Variants in NLRP12 observed in about 807,000 individuals in gnomAD.
The protein encoded by NLRP12 is NLR family pyrin domain containing 12.
A neutral mutation model predicts 91.2 loss-of-function variants in NLRP12; 108 were observed. That is an observed-to-expected ratio of 1.18 (90% CI 1.01 to 1.39). The LOEUF (loss-of-function observed/expected upper bound fraction) is 1.39. Ranked by LOEUF, NLRP12 falls within the 40% of genes most tolerant of loss-of-function variation. The probability of loss-of-function intolerance (pLI) is 0.00; values close to 1 mark genes in which losing one functional copy is unlikely to be tolerated. For missense variants in NLRP12, 1,530 were observed against 1,352.7 expected (o/e 1.13, Z -2.06); for synonymous variants, 613 against 566.7 (o/e 1.08, Z -1.16).
chr19:53,805,315 G>A lies in NLRP12; in HGVS notation c.2379C>T (p.Gly793=). The stretch of plus-strand genomic sequence containing the variant: ...GCAGCCTGCACTGGGGATGCCGCAG[G>A]CCCTCGCAAAGCAGCATCATGCCTG... ...GFPGMMLLCE[G]LRHPQCRLQM... The change falls in exon 5 of 10, where the codon GGC becomes GGT. Residue 793 remains glycine (G), a synonymous_variant. Coordinates refer to ENST00000324134, the MANE Select transcript of NLRP12 (RefSeq NM_144687.4). 7 of 1,614,056 alleles carry A rather than the reference G, an allele frequency of 4.3e-6. No individual in the cohort carries two copies. Among genetic ancestry groups the A allele is most frequent in the Non-Finnish European group, 5.9e-6 (7 of 1,179,990 alleles).
At chr19:53,820,959 G>C (rs1257038007) in intron 1 of NLRP12, among the ~76,000 whole-genome samples, 1 of 151,138 alleles carries the variant, frequency 6.6e-6, no homozygotes, top group Non-Finnish European at 1.5e-5. Context: ...CTTGCTACCT[G>C]CTCTGAATTG....
rs751548505 is a variant in NLRP12, at chr19:53,795,937, T to C, written c.3020A>G (p.Asn1007Ser). 31 of 1,614,074 alleles carry C rather than the reference T, an allele frequency of 1.9e-5. No homozygotes were observed. Among genetic ancestry groups the C allele is most frequent in the Admixed American group, 1.7e-4 (10 of 59,988 alleles). Residue 1007 changes from asparagine to serine, a missense_variant, in exon 9 of 10, where the codon AAC becomes AGC. By Grantham distance (46) the Asn-to-Ser change is conservative (BLOSUM62 1). Coordinates refer to ENST00000324134, the MANE Select transcript of NLRP12 (RefSeq NM_144687.4). ...NQTLTDLYLT[N>S]NALGDTGVRL... is the part of the protein sequence containing the mutation. Reference sequence around the variant, plus strand: ...GACACCTGTGTCCCCTAGGGCGTTGTTGGTCAGGTAAAGGTCGGTCAAGGT... The same window carrying C: ...GACACCTGTGTCCCCTAGGGCGTTGCTGGTCAGGTAAAGGTCGGTCAAGGT...
rs754622221 is a variant in NLRP12 at position 53,809,679 on chromosome 19, G to A, written c.1980C>T (p.Ala660=). The A allele has an allele frequency of 3.1e-6, 5 of 1,614,038 alleles. No homozygotes were observed. The highest frequency in any genetic ancestry group is 4.2e-6 in the Non-Finnish European group (5 of 1,180,008). ...TGGCGCCATACAAGTGCAGCACCTG[G>A]GCGCTCCTGCAGCGCTTCAGACAGA... ...SSFCLKRCRS[A]QVLHLYGATY... is the part of the protein sequence containing the mutation. The change falls in exon 3 of 10, where the codon GCC becomes GCT. Residue 660 remains alanine (A), a synonymous_variant. Transcript: ENST00000324134.
intron 6 of NLRP12, 80 bp downstream of exon 6, chr19:53,803,872 C>T (rs1322733181): frequency 1.4e-6 from 2 of 1,435,218 alleles, no homozygotes; most frequent in Admixed American, 1.7e-5. Context: ...CTGCGCCCGA[C>T]CTGTGGATGC....
Position 53,819,613 on chromosome 19 carries a change from GT to G in NLRP12, c.289+4272del, listed in dbSNP as rs953662569. The stretch of plus-strand genomic sequence containing the variant: ...TACGTATATACGCATATATATGTAT[GT>G]ATACGTATATACGCGTATATATGTA... On this transcript the variant is annotated intron_variant, in intron 1 of 9. Coordinates refer to ENST00000324134, the MANE Select transcript of NLRP12 (RefSeq NM_144687.4). Among the ~76,000 whole-genome samples, 3 of 55,670 alleles carry G rather than the reference GT, an allele frequency of 5.4e-5. 1 individual carries two copies. The highest frequency in any genetic ancestry group is 1.8e-4 in the African/African-American group (3 of 16,346). 36.5% of individuals were successfully genotyped at this position (55,670 alleles called of 152,430 possible).
At chr19:53,817,873 C>G (rs1467331768) in intron 1 of NLRP12, among the ~76,000 whole-genome samples, 2 of 152,000 alleles carry the variant, frequency 1.3e-5, no homozygotes, top group East Asian at 3.9e-4. Context: ...ACCTCTGCCT[C>G]CAGGGTTCAA....
rs768914716 is a variant in NLRP12, at chr19:53,805,453, G to C, written c.2244-3C>G. ...TGGAGATGCGGCACCTCTTCAGCCTGGGGTGGAAAAGAGGAGAAAGGAGCT... is the reference window on the plus strand; with the variant it reads ...TGGAGATGCGGCACCTCTTCAGCCTCGGGTGGAAAAGAGGAGAAAGGAGCT... On this transcript the variant is annotated splice_region_variant and splice_polypyrimidine_tract_variant and intron_variant, in intron 4 of 9. Transcript: ENST00000324134. 2 of 1,613,666 alleles carry C rather than the reference G, an allele frequency of 1.2e-6. No homozygotes were observed. The highest frequency in any genetic ancestry group is 2.7e-5 in the African/African-American group (2 of 74,900).
chr19:53,812,376 G>A (rs947738988), intron 2 of NLRP12, among the ~76,000 whole-genome samples: 17 of 148,750 alleles, frequency 1.1e-4, no homozygotes, highest in African/African-American at 4.2e-4. Context: ...TCGCCCCACT[G>A]CACTCCAGCC....
At position 53,805,264 on chromosome 19, in the gene NLRP12, G is replaced by T; in HGVS notation, c.2414+16C>A. On this transcript the variant is annotated intron_variant, in intron 5 of 9. Transcript: ENST00000324134. ...ACAATGAGCTTAAGAAGTTGCTCCCGGGGATAGAGACTCACTGAATCATCT... is the reference window on the plus strand; with the variant it reads ...ACAATGAGCTTAAGAAGTTGCTCCCTGGGATAGAGACTCACTGAATCATCT... 2 of 1,612,532 alleles carry T rather than the reference G, an allele frequency of 1.2e-6. No individual in the cohort carries two copies. Among genetic ancestry groups the T allele is most frequent in the Non-Finnish European group, 1.7e-6 (2 of 1,178,770 alleles).
At chr19:53,819,116 G>C (rs1030430702) in intron 1 of NLRP12, among the ~76,000 whole-genome samples, 2 of 152,070 alleles carry the variant, frequency 1.3e-5, no homozygotes, top group African/African-American at 4.8e-5. Flanking sequence ...AGGCGGAAGA[G>C]GGAGAAAAGT....
At position 53,803,787 on chromosome 19, in the gene NLRP12, T is replaced by A. The variant is rs184480543; in HGVS notation, c.2585+165A>T. ...GGGGGTTTCACCGTGTTGGCCAGGC[T>A]GGTCTCGAACTCCTGACCTCAGATG... On this transcript the variant is annotated intron_variant, in intron 6 of 9. Transcript: ENST00000324134. 2.2e-3 allele frequency: 1,469 copies of A among 681,630 alleles called. 7 individuals are homozygous for A. Among genetic ancestry groups the A allele is most frequent in the Non-Finnish European group, 1.9e-3 (728 of 378,276 alleles). The allele number at this position is 681,630 out of a possible 1,614,324, so 42.2% of individuals were successfully genotyped here.
At chr19:53,800,825 C>T (rs2091856452) in intron 7 of NLRP12, among the ~76,000 whole-genome samples, 1 of 152,000 alleles carries the variant, frequency 6.6e-6, no homozygotes, top group African/African-American at 2.4e-5. Flanking sequence ...CTCAGGTGAT[C>T]CTCCCACCTC....
intron 1 of NLRP12, among the ~76,000 whole-genome samples, chr19:53,819,453 ATATATGTGTG>A (rs1308966247): frequency 1.3e-4 from 1 of 7,630 alleles, no homozygotes; most frequent in African/African-American, 4.3e-4. Context: ...ATATATATAT[ATATATGTGTG>A]TGTGTGTGTG....
intron 2 of NLRP12, among the ~76,000 whole-genome samples, chr19:53,811,819 C>G (rs2092081545): frequency 6.6e-6 from 1 of 152,038 alleles, no homozygotes; most frequent in African/African-American, 2.4e-5. Context: ...CCCACCTCGG[C>G]CTTCCAAAGT....
At chr19:53,802,706 CA>C (rs531832866) in intron 6 of NLRP12, among the ~76,000 whole-genome samples, 118 of 129,152 alleles carry the variant, frequency 9.1e-4, no homozygotes, top group Middle Eastern at 3.8e-3. Flanking sequence ...GACTCTGTCT[CA>C]AAAAAAAAAA....
chr19:53,816,383 C>A lies in NLRP12; in HGVS notation c.290-1395G>T, dbSNP rs543816288. 1.4e-4 allele frequency among the ~76,000 whole-genome samples: 22 copies of A among 152,136 alleles called. No homozygotes were observed. In the South Asian group the frequency reaches 2.1e-3, roughly 14 times the overall value. On this transcript the variant is annotated intron_variant, in intron 1 of 9. Transcript: ENST00000324134. ...CTTGTTACTACACAGCCCGCCCCCC[C>A]CAACAGTCTCTGTAGCTTCATGTGA...
At chr19:53,800,011 T>C (rs573431311) in intron 7 of NLRP12, among the ~76,000 whole-genome samples, 14 of 151,572 alleles carry the variant, frequency 9.2e-5, no homozygotes, top group African/African-American at 3.4e-4. Flanking sequence ...AAAAAATAAA[T>C]AAAAATTGGC....
chr19:53,812,633 G>A (rs1398854665), intron 2 of NLRP12, among the ~76,000 whole-genome samples: 5 of 152,016 alleles, frequency 3.3e-5, no homozygotes, highest in Admixed American at 1.3e-4. Context: ...AATGCCAACA[G>A]TGCCAATGTG....
intron 1 of NLRP12, among the ~76,000 whole-genome samples, chr19:53,819,547 ATATG>A (rs1419541098): frequency 8.9e-6 from 1 of 112,390 alleles, no homozygotes; most frequent in African/African-American, 3.3e-5. Flanking sequence ...ATACGTATAT[ATATG>A]TATGTATACG....
Sources: gnomAD v4.1 joint callset for allele counts (sites outside exome capture counted in the v4.1 genomes callset) on GRCh38, gnomAD v4.1.1 for gene constraint, MANE v1.5 for transcripts, NCBI Gene and HGNC (gene_info 2026-07-23, HGNC 2026-07-21) for gene names.